Variants in SLC25A21 observed in about 807,000 individuals in gnomAD.
SLC25A21 encodes the protein solute carrier family 25 member 21, also known as mitochondrial 2-oxodicarboxylate carrier.
A neutral mutation model predicts 43.8 loss-of-function variants in SLC25A21; 47 were observed. The ratio of observed to expected loss-of-function variants is 1.07; its 90% CI spans 0.85 to 1.37. SLC25A21 has a LOEUF of 1.37. Among genes scored for constraint, SLC25A21 ranks in the 40% most tolerant of loss-of-function variants. The probability of loss-of-function intolerance (pLI) is 0.00; values close to 1 mark genes in which losing one functional copy is unlikely to be tolerated. For synonymous variants in SLC25A21, 131 were observed against 121.3 expected (o/e 1.08, Z -0.52); for missense variants, 352 against 350.2 (o/e 1.00, Z -0.04).
chr14:36,733,863 T>C (rs1884928250), intron 4 of SLC25A21, among the ~76,000 whole-genome samples: 1 of 152,198 alleles, frequency 6.6e-6, no homozygotes, highest in African/African-American at 2.4e-5. Flanking sequence ...GACATTCTGC[T>C]GGATCTCCCT....
At chr14:37,063,326 C>A (rs112986920) in intron 1 of SLC25A21, among the ~76,000 whole-genome samples, 1 of 151,872 alleles carries the variant, frequency 6.6e-6, no homozygotes, top group Non-Finnish European at 1.5e-5. Context: ...ATGGTGAAAC[C>A]CCGTCTCTAC....
intron 1 of SLC25A21, among the ~76,000 whole-genome samples, chr14:37,012,719 T>C (rs528107351): frequency 1.5e-4 from 23 of 152,322 alleles, no homozygotes; most frequent in African/African-American, 3.6e-4. Flanking sequence ...ACTTTAGTAA[T>C]AGCGATTTGG....
intron 1 of SLC25A21, among the ~76,000 whole-genome samples, chr14:36,882,395 A>G (rs1428702725): frequency 6.6e-6 from 1 of 152,132 alleles, no homozygotes; most frequent in East Asian, 1.9e-4. Context: ...AAAATAAAAA[A>G]TAACATTTAT....
At chr14:37,080,257 T>G (rs1385189345) in intron 1 of SLC25A21, among the ~76,000 whole-genome samples, 1 of 152,168 alleles carries the variant, frequency 6.6e-6, no homozygotes, top group Non-Finnish European at 1.5e-5. Flanking sequence ...ACTGTTGTAA[T>G]TGTGCTCAGT....
chr14:36,753,264 T>C (rs576780849), intron 3 of SLC25A21, among the ~76,000 whole-genome samples: 7 of 151,948 alleles, frequency 4.6e-5, no homozygotes, highest in African/African-American at 1.7e-4. Flanking sequence ...TAACAGAAAG[T>C]GAAAAGATAT....
In SLC25A21 at chr14:36,903,507, G is replaced by A. The variant is rs186427511; in HGVS notation, c.71-28503C>T. Among the ~76,000 whole-genome samples, 484 of 150,718 alleles carry A rather than the reference G, an allele frequency of 3.2e-3. 4 individuals carry two copies. Among genetic ancestry groups the A allele is most frequent in the African/African-American group, 0.011 (454 of 41,088 alleles). Reference sequence around the variant, plus strand: ...GCATACCTGTAATCCCAGCTACTCGGGAGGCTGAGGCAGGAGAATCGCTTG... The same window carrying A: ...GCATACCTGTAATCCCAGCTACTCGAGAGGCTGAGGCAGGAGAATCGCTTG... On this transcript the variant is annotated intron_variant, in intron 1 of 9. Coordinates refer to ENST00000331299, the MANE Select transcript of SLC25A21 (RefSeq NM_030631.4).
chr14:36,962,006 C>T (rs539869755), intron 1 of SLC25A21, among the ~76,000 whole-genome samples: 1 of 152,298 alleles, frequency 6.6e-6, no homozygotes, highest in East Asian at 1.9e-4. Flanking sequence ...AGCTGCATTG[C>T]CACAGCTCCA....
At chr14:37,093,524 G>A (rs966866557) in intron 1 of SLC25A21, among the ~76,000 whole-genome samples, 1 of 152,166 alleles carries the variant, frequency 6.6e-6, no homozygotes, top group Non-Finnish European at 1.5e-5. Context: ...ATAATAAATT[G>A]CAACTGCAAC....
chr14:36,983,274 T>C (rs185880620), intron 1 of SLC25A21, among the ~76,000 whole-genome samples: 143 of 152,308 alleles, frequency 9.4e-4, no homozygotes, highest in African/African-American at 3.3e-3. Flanking sequence ...TTTCACTTAC[T>C]TTTATTCTAA....
At chr14:37,129,123 G>A (rs889057546) in intron 1 of SLC25A21, among the ~76,000 whole-genome samples, 5 of 152,132 alleles carry the variant, frequency 3.3e-5, no homozygotes, top group Non-Finnish European at 5.9e-5. Flanking sequence ...AAGGTGTGCC[G>A]GAAAGTGCTG....
chr14:36,843,435 T>A lies in SLC25A21; in HGVS notation c.120-29434A>T, dbSNP rs200556597. Among the ~76,000 whole-genome samples, 11 of 152,302 alleles carry A rather than the reference T, an allele frequency of 7.2e-5. No individual in the cohort carries two copies. In the East Asian group the frequency reaches 2.1e-3, roughly 29 times the overall value. On this transcript the variant is annotated intron_variant, in intron 2 of 9. Coordinates refer to ENST00000331299, the MANE Select transcript of SLC25A21 (RefSeq NM_030631.4). ...GTGTATTCACTTCACCTACCTTATTTCTATTTTGTTATTAAAACAGTCCTA... is the reference window on the plus strand; with the variant it reads ...GTGTATTCACTTCACCTACCTTATTACTATTTTGTTATTAAAACAGTCCTA...
At chr14:37,048,920 G>A (rs1015021554) in intron 1 of SLC25A21, among the ~76,000 whole-genome samples, 3 of 152,144 alleles carry the variant, frequency 2.0e-5, no homozygotes, top group African/African-American at 7.2e-5. Flanking sequence ...AATGTGTCAT[G>A]TTCTAATCTC....
chr14:36,977,851 G>C (rs188074128), intron 1 of SLC25A21, among the ~76,000 whole-genome samples: 120 of 151,448 alleles, frequency 7.9e-4, no homozygotes, highest in African/African-American at 2.9e-3. Flanking sequence ...TTCTTTGCAC[G>C]TGGAACTTTA....
At position 36,807,451 on chromosome 14, in the gene SLC25A21, T is replaced by C. The variant is rs146371081; in HGVS notation, c.203+6467A>G. ...AGTTTAGGAGGAGGATGATGATTGG[T>C]CAAATAATTAGATTCATGGCTGTGG... On this transcript the variant is annotated intron_variant, in intron 3 of 9. Transcript: ENST00000331299. 2.9e-3 allele frequency among the ~76,000 whole-genome samples: 438 copies of C among 152,232 alleles called. 1 individual carries two copies. Among genetic ancestry groups the C allele is most frequent in the Non-Finnish European group, 5.4e-3 (365 of 68,018 alleles).
intron 1 of SLC25A21, among the ~76,000 whole-genome samples, chr14:37,020,365 A>T (rs1175611284): frequency 6.6e-6 from 1 of 151,906 alleles, no homozygotes; most frequent in African/African-American, 2.4e-5. Flanking sequence ...ATGACTTGCA[A>T]AATACATGAA....
At chr14:36,958,997 T>A (rs1201115458) in intron 1 of SLC25A21, among the ~76,000 whole-genome samples, 1 of 152,188 alleles carries the variant, frequency 6.6e-6, no homozygotes, top group Admixed American at 6.5e-5. Context: ...AGTAAATAAA[T>A]GGTTCCACCC....
At position 36,680,313 on chromosome 14, in the gene SLC25A21, T is replaced by C; in HGVS notation, c.*345A>G. 4 of 998,512 alleles carry C rather than the reference T, an allele frequency of 4.0e-6. No homozygotes were observed. Among genetic ancestry groups the C allele is most frequent in the Non-Finnish European group, 3.6e-6 (3 of 838,472 alleles). 61.9% of individuals were successfully genotyped at this position (998,512 alleles called of 1,614,324 possible). ...CTAGACCTCTTAGGAAAAATGCTGA[T>C]CAATACAATGAATTTTCATTGTGAA... On this transcript the variant is annotated 3_prime_UTR_variant, in exon 10 of 10. Transcript: ENST00000331299.
At chr14:37,154,025 T>A (rs760388103) in intron 1 of SLC25A21, among the ~76,000 whole-genome samples, 1 of 152,200 alleles carries the variant, frequency 6.6e-6, no homozygotes, top group Non-Finnish European at 1.5e-5. Flanking sequence ...CCCAGTTTAC[T>A]GCTGCCATTA....
At chr14:36,711,264 C>A in intron 7 of SLC25A21, 54 bp downstream of exon 7, 2 of 1,519,836 alleles carry the variant, frequency 1.3e-6, no homozygotes, top group Non-Finnish European at 1.8e-6. Context: ...ACAAACGGAG[C>A]TATCATCACT....
Sources: allele counts gnomAD v4.1 joint callset (sites outside exome capture counted in the v4.1 genomes callset), GRCh38; gene constraint gnomAD v4.1.1; transcripts MANE v1.5; gene names NCBI Gene and HGNC (gene_info 2026-07-23, HGNC 2026-07-21).